The following RBFOX2 variants were observed in gnomAD, a reference collection of about 807,000 sequenced individuals.
RBFOX2 encodes the protein RNA binding fox-1 homolog 2, also known as RNA binding protein fox-1 homolog 2.
In RBFOX2, 10 loss-of-function variants were observed where a neutral mutation model predicts 49.1. That is an observed-to-expected ratio of 0.20 (90% CI 0.13 to 0.35). The LOEUF (loss-of-function observed/expected upper bound fraction) is 0.35. Ranked by LOEUF, RBFOX2 falls within the 10% of genes least tolerant of loss-of-function variation. The probability of loss-of-function intolerance (pLI) is 1.00; values close to 1 mark genes in which losing one functional copy is unlikely to be tolerated. For synonymous variants in RBFOX2, 183 were observed against 187.4 expected, an observed-to-expected ratio of 0.98 and a Z score of 0.19; for missense variants, 323 against 486.9, an observed-to-expected ratio of 0.66 and a Z score of 3.17.
chr22:35,960,075 C>A (rs1469709377), intron 1 of RBFOX2, among the ~76,000 whole-genome samples: 1 of 151,908 alleles, frequency 6.6e-6, no homozygotes, highest in African/African-American at 2.4e-5. Context: ...AGATGTGGAC[C>A]CCACAGATAC....
intron 1 of RBFOX2, among the ~76,000 whole-genome samples, chr22:35,991,118 A>T (rs979546203): frequency 2.6e-5 from 4 of 152,112 alleles, no homozygotes; most frequent in Non-Finnish European, 4.4e-5. Context: ...TACAAAAACA[A>T]AAAACAAAAA....
intron 1 of RBFOX2, among the ~76,000 whole-genome samples, chr22:35,924,169 C>T (rs1348087409): frequency 6.6e-6 from 1 of 152,104 alleles, no homozygotes; most frequent in African/African-American, 2.4e-5. Flanking sequence ...ACCTGTTAGC[C>T]CTCTTTTCAT....
At chr22:35,858,577 G>A (rs1396243482) in intron 1 of RBFOX2, among the ~76,000 whole-genome samples, 1 of 152,086 alleles carries the variant, frequency 6.6e-6, no homozygotes, top group Non-Finnish European at 1.5e-5. Flanking sequence ...TGTAATCCCA[G>A]CACTTTAGGA....
upstream of RBFOX2, chr22:35,840,625 TGTGTGC>T (rs1203212423): frequency 4.7e-6 from 5 of 1,074,348 alleles, no homozygotes; most frequent in Non-Finnish European, 5.6e-6. Context: ...CGTGTGTGCG[TGTGTGC>T]GTGTGTGTGT....
intron 1 of RBFOX2, among the ~76,000 whole-genome samples, chr22:35,972,335 TCTC>T (rs1358001477): frequency 6.6e-6 from 1 of 151,892 alleles, no homozygotes; most frequent in African/African-American, 2.4e-5. Flanking sequence ...CTGGCATAGT[TCTC>T]CTAGCATTCA....
At chr22:35,964,548 T>C (rs1281467805), upstream of RBFOX2, among the ~76,000 whole-genome samples, 1 of 152,222 alleles carries the variant, frequency 6.6e-6, no homozygotes, top group African/African-American at 2.4e-5. Context: ...AAATTATCAC[T>C]GTCATAATGC....
intron 1 of RBFOX2, among the ~76,000 whole-genome samples, chr22:35,810,938 A>C (rs1275360022): frequency 2.0e-5 from 3 of 152,234 alleles, no homozygotes; most frequent in Non-Finnish European, 2.9e-5. Context: ...ATGACAAAAA[A>C]TATATCATCA....
At chr22:36,018,740 A>C (rs1182601742) in intron 1 of RBFOX2, among the ~76,000 whole-genome samples, 2 of 152,132 alleles carry the variant, frequency 1.3e-5, no homozygotes, top group African/African-American at 4.8e-5. Context: ...CAGCCTCCCA[A>C]GTAGCTGGGA....
At chr22:35,842,389 CAG>C (rs1331613650), upstream of RBFOX2, among the ~76,000 whole-genome samples, 1 of 152,110 alleles carries the variant, frequency 6.6e-6, no homozygotes, top group Non-Finnish European at 1.5e-5. Flanking sequence ...ACCTGGAACA[CAG>C]AATATATAGT....
chr22:35,885,869 T>G (rs1223038866), intron 1 of RBFOX2, among the ~76,000 whole-genome samples: 1 of 136,026 alleles, frequency 7.4e-6, no homozygotes, highest in Non-Finnish European at 1.6e-5. Context: ...TTTTTTTTTT[T>G]TTTTTGAGAC....
rs750103346 is a variant in RBFOX2 at position 35,756,091 on chromosome 22, G to A, written c.887+3797C>T. 2 of 1,426,282 alleles carry A rather than the reference G, an allele frequency of 1.4e-6. No homozygotes were observed. The highest frequency in any genetic ancestry group is 2.8e-5 in the East Asian group (1 of 35,156). The allele number at this position is 1,426,282 out of a possible 1,614,324, so 88.4% of individuals were successfully genotyped here. ...AGGGGATGGGGTCGAGAAGGCCCCA[G>A]TGTGTGTACTTACATAGAGGTCAGC... On this transcript the variant is annotated intron_variant, in intron 9 of 11. Coordinates refer to ENST00000405409, the Ensembl canonical transcript of RBFOX2.
chr22:35,787,561 T>C (rs1946669981), intron 2 of RBFOX2, among the ~76,000 whole-genome samples: 1 of 152,230 alleles, frequency 6.6e-6, no homozygotes, highest in African/African-American at 2.4e-5. Flanking sequence ...AATGAGATCT[T>C]ATCTCACAAC....
chr22:35,930,103 C>T lies in RBFOX2; in HGVS notation c.-34+8744G>A, dbSNP rs535275823. Among the ~76,000 whole-genome samples the T allele has an allele frequency of 2.7e-5, 4 of 149,358 alleles. No individual in the cohort carries two copies. In the East Asian group the frequency reaches 8.0e-4, roughly 30 times the overall value. The stretch of plus-strand genomic sequence containing the variant: ...GTGGCATAATCTCAGCTCACTGCAA[C>T]CTCCGCCTCCTGGGTTCAAGCGATT... On this transcript the variant is annotated intron_variant, in intron 1 of 13. Coordinates refer to the RBFOX2 transcript ENST00000359369.
chr22:35,903,720 A>G (rs1218387798), intron 1 of RBFOX2, among the ~76,000 whole-genome samples: 3 of 152,016 alleles, frequency 2.0e-5, no homozygotes, highest in Non-Finnish European at 4.4e-5. Flanking sequence ...CTCATCCCTC[A>G]CATCCAACCT....
upstream of RBFOX2, among the ~76,000 whole-genome samples, chr22:35,963,509 G>A (rs1238502612): frequency 1.3e-5 from 2 of 152,088 alleles, no homozygotes; most frequent in Non-Finnish European, 2.9e-5. Flanking sequence ...CTACAAGAGG[G>A]AGACTAAAGC....
chr22:36,018,037 G>A (rs552427906), intron 1 of RBFOX2, among the ~76,000 whole-genome samples: 3 of 152,302 alleles, frequency 2.0e-5, no homozygotes, highest in South Asian at 4.1e-4. Context: ...ACCCCCCAGG[G>A]AAAATCTGGA....
chr22:35,860,787 C>G (rs548058287), intron 1 of RBFOX2, among the ~76,000 whole-genome samples: 2 of 152,182 alleles, frequency 1.3e-5, no homozygotes, highest in Non-Finnish European at 2.9e-5. Context: ...GAATTAACAT[C>G]CGAGAGAATT....
At chr22:35,793,121 C>T (rs977624488) in intron 2 of RBFOX2, among the ~76,000 whole-genome samples, 1 of 152,176 alleles carries the variant, frequency 6.6e-6, no homozygotes, top group African/African-American at 2.4e-5. Context: ...CCTGTAATCC[C>T]AGCACTTTGG....
At chr22:35,910,631 T>C (rs895803578) in intron 1 of RBFOX2, among the ~76,000 whole-genome samples, 1 of 152,234 alleles carries the variant, frequency 6.6e-6, no homozygotes, top group Admixed American at 6.5e-5. Flanking sequence ...GCAGCTTTAC[T>C]GTGTGAGATT....
Sources: gnomAD v4.1 joint callset for allele counts (sites outside exome capture counted in the v4.1 genomes callset) on GRCh38, gnomAD v4.1.1 for gene constraint, MANE v1.5 for transcripts, NCBI Gene and HGNC (gene_info 2026-07-23, HGNC 2026-07-21) for gene names.